The following ST7 variants were observed in gnomAD, a reference collection of about 807,000 sequenced individuals.
ST7 encodes suppression of tumorigenicity 7, also known as suppressor of tumorigenicity 7 protein.
In ST7, 28 loss-of-function variants were observed where a neutral mutation model predicts 78.7. The ratio of observed to expected loss-of-function variants is 0.36; its 90% CI spans 0.26 to 0.49. The LOEUF is 0.49. ST7 is among the 20% of genes least tolerant of loss of function. The probability of loss-of-function intolerance (pLI) is 0.99; values close to 1 mark genes in which losing one functional copy is unlikely to be tolerated. For synonymous variants in ST7, 247 were observed against 249.6 expected (o/e 0.99, Z 0.10); for missense variants, 418 against 696.0 (o/e 0.60, Z 4.49).
At chr7:117,202,742 A>G (rs898288364) in intron 12 of ST7, among the ~76,000 whole-genome samples, 6 of 152,160 alleles carry the variant, frequency 3.9e-5, no homozygotes, top group African/African-American at 1.4e-4. Flanking sequence ...CCAATTGCCT[A>G]TGGCAGTGAT....
At chr7:116,966,052 T>G (rs554607704) in intron 1 of ST7, 1 of 457,896 alleles carries the variant, frequency 2.2e-6, no homozygotes, top group Non-Finnish European at 4.5e-6. Flanking sequence ...CAACTAACTT[T>G]CTAGAAATAA....
intron 1 of ST7, among the ~76,000 whole-genome samples, chr7:117,079,968 C>CTT (rs34326752): frequency 0.023 from 1,512 of 65,470 alleles, 363 homozygotes; most frequent in East Asian, 0.053. Context: ...TTTGTCATTC[C>CTT]TTTTTTTTTT....
intron 1 of ST7, among the ~76,000 whole-genome samples, chr7:116,981,428 T>G (rs1793954746): frequency 6.6e-6 from 1 of 152,170 alleles, no homozygotes; most frequent in Non-Finnish European, 1.5e-5. Flanking sequence ...TCCTCATGAT[T>G]GAATTCAGGT....
chr7:117,000,254 T>C (rs1794878335), intron 1 of ST7, among the ~76,000 whole-genome samples: 1 of 152,246 alleles, frequency 6.6e-6, no homozygotes, highest in African/African-American at 2.4e-5. Context: ...TGGCAGGTCA[T>C]ATGCTTAGGA....
intron 1 of ST7, among the ~76,000 whole-genome samples, chr7:117,068,568 G>A (rs916575187): frequency 6.6e-6 from 1 of 152,198 alleles, no homozygotes; most frequent in African/African-American, 2.4e-5. Context: ...GAAATCCAGA[G>A]TTGTTCCTTA....
At chr7:117,062,465 T>C (rs1475204773) in intron 1 of ST7, among the ~76,000 whole-genome samples, 1 of 152,216 alleles carries the variant, frequency 6.6e-6, no homozygotes, top group Non-Finnish European at 1.5e-5. Context: ...CTTACTAATC[T>C]TTTACTCACT....
At chr7:117,178,297 G>A (rs1563144660) in intron 10 of ST7, among the ~76,000 whole-genome samples, 1 of 152,154 alleles carries the variant, frequency 6.6e-6, no homozygotes, top group Non-Finnish European at 1.5e-5. Flanking sequence ...CTGTCACCAA[G>A]ATGGTTTCAG....
intron 1 of ST7, among the ~76,000 whole-genome samples, chr7:117,035,867 C>G (rs1796872152): frequency 6.6e-6 from 1 of 150,796 alleles, no homozygotes; most frequent in South Asian, 2.1e-4. Flanking sequence ...ATAGATGGTT[C>G]TTAAAGAATA....
At chr7:117,030,163 T>C (rs1796402699) in intron 1 of ST7, among the ~76,000 whole-genome samples, 1 of 152,196 alleles carries the variant, frequency 6.6e-6, no homozygotes, top group Admixed American at 6.5e-5. Context: ...ATGGTATATT[T>C]GTCATTTAAT....
Position 117,209,866 on chromosome 7 carries a change from C to T in ST7, c.1334C>T (p.Ala445Val), listed in dbSNP as rs987429255. The change falls in exon 13 of 16, where the codon GCA (alanine) becomes GTA (valine). Residue 445 changes from alanine to valine, a missense_variant. By Grantham distance (64) the Ala-to-Val change is moderately conservative. Around this residue, in one of 4 missense-constraint regions of ST7, gnomAD observed 288 missense variants for 537.1 expected, o/e 0.54. Transcript: ENST00000323984. Reference sequence around the variant, plus strand: ...GGAGACAGTGAAGCAATAGCATATGCATTCTTTCATCTTGCACACTGGAAG... The same window carrying T: ...GGAGACAGTGAAGCAATAGCATATGTATTCTTTCATCTTGCACACTGGAAG... ...KRGDSEAIAY[A>V]FFHLAHWKRV... 1.9e-6 allele frequency: 3 copies of T among 1,614,000 alleles called. No individual in the cohort carries two copies. The highest frequency in any genetic ancestry group is 2.5e-6 in the Non-Finnish European group (3 of 1,180,002).
chr7:117,098,736 C>T, intron 1 of ST7: 1 of 1,286,770 alleles, frequency 7.8e-7, no homozygotes, highest in Non-Finnish European at 1.0e-6. Context: ...CAAAGCCCTA[C>T]TTCTAAAACC....
At chr7:117,229,537 C>T (rs1356042779) in intron 15 of ST7, among the ~76,000 whole-genome samples, 1 of 152,216 alleles carries the variant, frequency 6.6e-6, no homozygotes, top group African/African-American at 2.4e-5. Flanking sequence ...AGTGAGGGGG[C>T]TGTCAGCTGA....
chr7:117,058,566 A>G lies in ST7; in HGVS notation c.152-41196A>G, dbSNP rs2428285. Among the ~76,000 whole-genome samples, 937 of 152,314 alleles carry G rather than the reference A, an allele frequency of 6.2e-3. 10 individuals carry two copies. The highest frequency in any genetic ancestry group is 8.9e-3 in the Non-Finnish European group (608 of 68,010). ...CATCATAATTCTTAAGAGGAAGCCA[A>G]TTATCAAAAAGGGAAATATTTAAGA... On this transcript the variant is annotated intron_variant, in intron 1 of 15. Coordinates refer to ENST00000323984, the MANE Select transcript of ST7 (RefSeq NM_001369598.1).
intron 9 of ST7, among the ~76,000 whole-genome samples, chr7:117,167,932 C>G (rs745748464): frequency 6.6e-6 from 1 of 152,054 alleles, no homozygotes; most frequent in African/African-American, 2.4e-5. Context: ...GGAGGCAAGC[C>G]AGGTTGTAGC....
chr7:117,142,901 T>C (rs1805444642), intron 9 of ST7, among the ~76,000 whole-genome samples: 2 of 152,146 alleles, frequency 1.3e-5, no homozygotes, highest in South Asian at 4.1e-4. Flanking sequence ...TGAGCCACTG[T>C]GCCTGGCCCA....
chr7:117,219,638 T>G lies in ST7; in HGVS notation c.1498+462T>G, dbSNP rs79883393. Among the ~76,000 whole-genome samples the G allele has an allele frequency of 1.3e-5, 2 of 151,976 alleles. No individual in the cohort carries two copies. Among genetic ancestry groups the G allele is most frequent in the Non-Finnish European group, 2.9e-5 (2 of 67,976 alleles). On this transcript the variant is annotated intron_variant, in intron 14 of 15. Coordinates refer to ENST00000323984, the MANE Select transcript of ST7 (RefSeq NM_001369598.1). The surrounding 1 kb of genome is among the most constrained non-coding windows in gnomAD (Gnocchi z 5.1). ...GCTGGCACCATGGCCAGATGTGGAGTTGTGGGGCAGGGCAGTGTGCTGTGT... is the reference window on the plus strand; with the variant it reads ...GCTGGCACCATGGCCAGATGTGGAGGTGTGGGGCAGGGCAGTGTGCTGTGT...
At chr7:117,224,186 T>G (rs778666609) in intron 15 of ST7, among the ~76,000 whole-genome samples, 19 of 152,176 alleles carry the variant, frequency 1.2e-4, no homozygotes, top group Non-Finnish European at 2.4e-4. Flanking sequence ...CTCCCTTTGG[T>G]TTCCACTTAT....
intron 9 of ST7, among the ~76,000 whole-genome samples, chr7:117,156,122 C>T: frequency 6.6e-6 from 1 of 152,202 alleles, no homozygotes; most frequent in East Asian, 1.9e-4. Context: ...CATGATCTGA[C>T]AGTCTATGGA....
chr7:117,163,328 T>C (rs1807297566), intron 9 of ST7, among the ~76,000 whole-genome samples: 2 of 152,182 alleles, frequency 1.3e-5, no homozygotes, highest in Admixed American at 1.3e-4. Flanking sequence ...GTTTATTCTA[T>C]TTGTGGTTTT....
Sources: allele counts gnomAD v4.1 joint callset (sites outside exome capture counted in the v4.1 genomes callset), GRCh38; gene constraint gnomAD v4.1.1; regional missense constraint gnomAD v4.1.1; non-coding constraint Gnocchi (gnomAD v3.1); transcripts MANE v1.5; gene names NCBI Gene and HGNC (gene_info 2026-07-23, HGNC 2026-07-21).